Variants in SBF1 observed in about 807,000 individuals in gnomAD.
SBF1 encodes the protein myotubularin-related protein 5.
In SBF1, 65 loss-of-function variants were observed where a neutral mutation model predicts 215.8. The observed-to-expected ratio is 0.30, with a 90% CI of 0.25 to 0.37. The LOEUF (loss-of-function observed/expected upper bound fraction) is 0.37. Ranked by LOEUF, SBF1 falls within the 10% of genes least tolerant of loss-of-function variation. The pLI, the probability that SBF1 is intolerant of heterozygous loss-of-function variation, is 1.00. For missense variants in SBF1, 2,634 were observed against 2,667.8 expected (o/e 0.99, Z 0.28); for synonymous variants, 1,410 against 1,122.8 (o/e 1.26, Z -5.11).
chr22:50,448,644 G>T lies in SBF1; in HGVS notation c.5050C>A (p.Gln1684Lys). 1 of 1,609,710 alleles carries T rather than the reference G, an allele frequency of 6.2e-7. No homozygotes were observed. Residue 1684 changes from glutamine (Q) to lysine (K), a missense_variant, in exon 37 of 41, where the codon CAG (glutamine) becomes AAG (lysine). Transcript: ENST00000380817. The part of the protein sequence containing the change: ...DAISRLLEEL[Q>K]RLETELGQPA... ...TGGCCCAACTCTGTCTCCAGCCTCT[G>T]CAGCTCCTGGGGGAAGAATTAATGG...
chr22:50,461,961 T>C lies in SBF1; in HGVS notation c.2555A>G (p.His852Arg), dbSNP rs780693875. The C allele has an allele frequency of 1.9e-6, 3 of 1,614,166 alleles. No individual in the cohort carries two copies. Among genetic ancestry groups the C allele is most frequent in the African/African-American group, 2.7e-5 (2 of 75,070 alleles). Residue 852 changes from histidine to arginine, a missense_variant, in exon 20 of 41, where the codon CAT (histidine) becomes CGT (arginine). Transcript: ENST00000380817. ...GVTSDHLKGLHVMVPDIVQMH... is the reference protein window; with the variant it reads ...GVTSDHLKGLRVMVPDIVQMH... ...AACCCCCGTACCTGGCACCATGACA[T>C]GCAGCCCCTTGAGGTGGTCGCTGGT...
At position 50,465,973 on chromosome 22, in the gene SBF1, A is replaced by T; in HGVS notation, c.999T>A (p.Ser333Arg). 6.2e-7 allele frequency: 1 copy of T among 1,613,962 alleles called. No homozygotes were observed. The highest frequency in any genetic ancestry group is 8.5e-7 in the Non-Finnish European group (1 of 1,179,994). Residue 333 changes from serine (S) to arginine (R), a missense_variant, in exon 9 of 41, where the codon AGT (serine) becomes AGA (arginine). Transcript: ENST00000380817. ...TGGTGCCCCTCACCATGCTCAGCACACTGTGCGTCTGACTCTGCAGTGGCT... is the reference window on the plus strand; with the variant it reads ...TGGTGCCCCTCACCATGCTCAGCACTCTGTGCGTCTGACTCTGCAGTGGCT... Reference protein sequence around the residue: ...LPEPLQSQTHSVLSMVLDPEL... With the variant: ...LPEPLQSQTHRVLSMVLDPEL...
In SBF1 at chr22:50,447,126, G is replaced by A. The variant is rs766595616; in HGVS notation, c.*16C>T. ...GTAACGACCGGAAGCAGAGCAGCCGGGCAGGGCTGGGAGGCTCAGGCGTCC... is the reference window on the plus strand; with the variant it reads ...GTAACGACCGGAAGCAGAGCAGCCGAGCAGGGCTGGGAGGCTCAGGCGTCC... On this transcript the variant is annotated 3_prime_UTR_variant, in exon 41 of 41. Coordinates refer to ENST00000380817, the MANE Select transcript of SBF1 (RefSeq NM_002972.4). The A allele has an allele frequency of 1.9e-6, 3 of 1,606,028 alleles. No homozygotes were observed. Among genetic ancestry groups the A allele is most frequent in the East Asian group, 4.5e-5 (2 of 44,694 alleles).
At chr22:50,468,549 CCA>C in intron 1 of SBF1, 88 bp from the exon 2 acceptor site, 3 of 836,556 alleles carry the variant, frequency 3.6e-6, no homozygotes, top group South Asian at 1.8e-5. Context: ...ACATTCCCAC[CCA>C]CTGGGCCCTC....
intron 36 of SBF1, among the ~76,000 whole-genome samples, chr22:50,454,073 CTCAATG>C (rs1603430991): frequency 6.6e-6 from 1 of 152,196 alleles, no homozygotes; most frequent in Non-Finnish European, 1.5e-5. Flanking sequence ...TAAGAGAGGC[CTCAATG>C]TCAACCCCAA....
intron 1 of SBF1, among the ~76,000 whole-genome samples, chr22:50,473,102 T>C (rs2068052550): frequency 1.3e-5 from 2 of 151,566 alleles, no homozygotes; most frequent in Non-Finnish European, 2.9e-5. Context: ...TGGAGCCCAC[T>C]CTGCCTCTTC....
At position 50,446,822 on chromosome 22, in the gene SBF1, TTTA is replaced by T; in HGVS notation, c.*317_*319del. On this transcript the variant is annotated 3_prime_UTR_variant, in exon 41 of 41. Transcript: ENST00000380817. ...ACAGGAGCGTGGCGTTAGTTCTCTC[TTTA>T]TATAGACTCTGGTTCTAGAAACTCG... is the stretch of plus-strand genomic sequence containing the variant. The T allele has an allele frequency of 1.5e-6, 1 of 684,396 alleles. No homozygotes were observed. The highest frequency in any genetic ancestry group is 2.7e-6 in the Non-Finnish European group (1 of 367,318). The allele number at this position is 684,396 out of a possible 1,614,324, so 42.4% of individuals were successfully genotyped here. A position where few individuals can be genotyped will look rare whatever the true frequency, so the allele number is the denominator to read the frequency against.
Position 50,464,915 on chromosome 22 carries a change from C to G in SBF1, c.1335G>C (p.Leu445=). Reference sequence around the variant, plus strand: ...GCATCCTTGCCACCTCGTGGGCCACCAGCTAGCGGGGTAAGCAGGAGGTTA... The same window carrying G: ...GCATCCTTGCCACCTCGTGGGCCACGAGCTAGCGGGGTAAGCAGGAGGTTA... ...PYRPTDLFDE[L]VAHEVARMRA... Residue 445 remains leucine (L), a splice_region_variant and synonymous_variant, in exon 13 of 41, where the codon CTG becomes CTC. Transcript: ENST00000380817. The G allele has an allele frequency of 5.6e-6, 9 of 1,613,794 alleles. No homozygotes were observed. The highest frequency in any genetic ancestry group is 7.6e-6 in the Non-Finnish European group (9 of 1,180,018).
intron 1 of SBF1, among the ~76,000 whole-genome samples, chr22:50,470,916 C>T (rs1443960316): frequency 6.6e-6 from 1 of 152,196 alleles, no homozygotes; most frequent in African/African-American, 2.4e-5. Context: ...TCTGAGGTCC[C>T]AGCCTGCACC....
At position 50,461,940 on chromosome 22, in the gene SBF1, C is replaced by A; in HGVS notation, c.2569+7G>T. 1 of 1,614,108 alleles carries A rather than the reference C, an allele frequency of 6.2e-7. No homozygotes were observed. The highest frequency in any genetic ancestry group is 8.5e-7 in the Non-Finnish European group (1 of 1,179,942). On this transcript the variant is annotated splice_region_variant and intron_variant, in intron 20 of 40. Coordinates refer to ENST00000380817, the MANE Select transcript of SBF1 (RefSeq NM_002972.4). ...CAAGGGGGAATCACCAGCCCAAACC[C>A]CCGTACCTGGCACCATGACATGCAG...
chr22:50,474,466 C>T (rs1292801227), intron 1 of SBF1, among the ~76,000 whole-genome samples: 1 of 152,208 alleles, frequency 6.6e-6, no homozygotes, highest in Non-Finnish European at 1.5e-5. Context: ...AGCCTTCTCT[C>T]CCTGCCGCCA....
chr22:50,459,441 G>A (rs1199962936), intron 27 of SBF1, 29 bp downstream of exon 27: 4 of 1,611,840 alleles, frequency 2.5e-6, no homozygotes, highest in Non-Finnish European at 3.4e-6. Flanking sequence ...ATAGGGCAGG[G>A]CAGGCACAGG....
chr22:50,448,175 G>A, intron 38 of SBF1, 58 bp downstream of exon 38: 7 of 1,543,192 alleles, frequency 4.5e-6, no homozygotes, highest in South Asian at 1.1e-5. Flanking sequence ...AGGACTGCCT[G>A]GGACCCCAGA....
rs374432377 is a variant in SBF1, at chr22:50,454,352, G to A, written c.5043+160C>T. ...GGGGAGCCACAGCCACCCCAGGCCA[G>A]TAGGCAGTTCACATGGTGGGGAGAC... is the stretch of plus-strand genomic sequence containing the variant. On this transcript the variant is annotated intron_variant, in intron 36 of 40. Coordinates refer to ENST00000380817, the MANE Select transcript of SBF1 (RefSeq NM_002972.4). 6.6e-3 allele frequency among the ~76,000 whole-genome samples: 1,011 copies of A among 152,254 alleles called. 14 individuals are homozygous for A. The highest frequency in any genetic ancestry group is 0.023 in the African/African-American group (941 of 41,560).
At chr22:50,451,048 G>A (rs1013845489) in intron 36 of SBF1, among the ~76,000 whole-genome samples, 1 of 151,826 alleles carries the variant, frequency 6.6e-6, no homozygotes, top group Non-Finnish European at 1.5e-5. Flanking sequence ...CATTAGATGG[G>A]GCCGGGTGTG....
At chr22:50,464,242 G>T in intron 15 of SBF1, 87 bp downstream of exon 15, 1 of 1,131,292 alleles carries the variant, frequency 8.8e-7, no homozygotes, top group Non-Finnish European at 1.3e-6. Context: ...CCCTGGGGCA[G>T]CGTCAGCACT....
chr22:50,461,326 A>AGG (rs35628474), intron 22 of SBF1, 40 bp from the exon 23 acceptor site: 95 of 1,468,480 alleles, frequency 6.5e-5, no homozygotes, highest in African/African-American at 1.3e-4. Flanking sequence ...AAGGAAGGTA[A>AGG]GGGGGGGGGG....
At position 50,448,439 on chromosome 22, in the gene SBF1, G is replaced by A. The variant is rs1359750741; in HGVS notation, c.5157C>T (p.Thr1719=). 4.3e-6 allele frequency: 7 copies of A among 1,613,544 alleles called. No individual in the cohort carries two copies. Among genetic ancestry groups the A allele is most frequent in the Middle Eastern group, 1.6e-4 (1 of 6,084 alleles). The stretch of plus-strand genomic sequence containing the variant: ...CGGTGGACACAAGGAGGGAGCTAGG[G>A]GTGCCCTGGGAACAGGAGGTTGGGA... ...RLEGRPDGRG[T]PSSLLVSTAP... The change falls in exon 38 of 41, where the codon ACC becomes ACT. Residue 1719 remains threonine, a synonymous_variant. Transcript: ENST00000380817.
intron 1 of SBF1, among the ~76,000 whole-genome samples, chr22:50,471,127 C>T (rs2067981207): frequency 6.6e-6 from 1 of 152,200 alleles, no homozygotes; most frequent in African/African-American, 2.4e-5. Context: ...CCCACTCCTC[C>T]CCTTGGCAAC....
Sources: gnomAD v4.1 joint callset for allele counts (sites outside exome capture counted in the v4.1 genomes callset) on GRCh38, gnomAD v4.1.1 for gene constraint, MANE v1.5 for transcripts, NCBI Gene and HGNC (gene_info 2026-07-23, HGNC 2026-07-21) for gene names.